Variants in ULK4 observed in about 807,000 individuals in gnomAD.
The protein encoded by ULK4 is unc-51 like kinase 4.
Under a neutral mutation model 160.6 loss-of-function variants are expected in ULK4, and 133 were observed. The observed-to-expected ratio is 0.83, with a 90% CI of 0.72 to 0.96. The LOEUF is 0.96. Ranked by LOEUF, ULK4 falls within the 40% of genes least tolerant of loss-of-function variation. The pLI is 0.00. For synonymous variants in ULK4, 534 were observed against 539.8 expected, an observed-to-expected ratio of 0.99 and a Z score of 0.15; for missense variants, 1,580 against 1,499.5, an observed-to-expected ratio of 1.05 and a Z score of -0.89.
At chr3:41,450,327 C>T (rs915392589) in intron 34 of ULK4, among the ~76,000 whole-genome samples, 4 of 152,050 alleles carry the variant, frequency 2.6e-5, no homozygotes, top group South Asian at 2.1e-4. Context: ...TTGAGAACTG[C>T]GTGAACTCTG....
intron 35 of ULK4, among the ~76,000 whole-genome samples, chr3:41,345,417 A>G (rs1389749204): frequency 6.6e-6 from 1 of 152,268 alleles, no homozygotes; most frequent in Non-Finnish European, 1.5e-5. Context: ...AATGTGGTAC[A>G]TATACACAAT....
chr3:41,567,335 GA>G (rs2087815842), intron 31 of ULK4, among the ~76,000 whole-genome samples: 1 of 150,142 alleles, frequency 6.7e-6, no homozygotes, highest in Non-Finnish European at 1.5e-5. Context: ...TGGCAAAAAA[GA>G]AAAAAGCAGA....
chr3:41,531,076 A>T (rs1330519604), intron 32 of ULK4, among the ~76,000 whole-genome samples: 1 of 150,572 alleles, frequency 6.6e-6, no homozygotes, highest in East Asian at 2.0e-4. Context: ...ATGAATGTTA[A>T]TATCAAGGAA....
At chr3:41,332,625 T>C (rs2080469522) in intron 35 of ULK4, among the ~76,000 whole-genome samples, 1 of 152,218 alleles carries the variant, frequency 6.6e-6, no homozygotes, top group South Asian at 2.1e-4. Context: ...TTAACCAAAA[T>C]TTAAAGAATC....
At chr3:41,830,156 G>A (rs2041526090) in intron 18 of ULK4, among the ~76,000 whole-genome samples, 1 of 152,224 alleles carries the variant, frequency 6.6e-6, no homozygotes, top group Admixed American at 6.5e-5. Context: ...TGGGGTAGGG[G>A]GAGTGGGGAG....
chr3:41,739,281 G>A (rs1015257750), intron 22 of ULK4, among the ~76,000 whole-genome samples: 1 of 151,744 alleles, frequency 6.6e-6, no homozygotes, highest in African/African-American at 2.4e-5. Context: ...TCCTCTGTGT[G>A]GCCTTCTCTC....
At chr3:41,693,137 A>G (rs911123832) in intron 27 of ULK4, among the ~76,000 whole-genome samples, 4 of 152,224 alleles carry the variant, frequency 2.6e-5, no homozygotes, top group Non-Finnish European at 1.5e-5. Flanking sequence ...CAGCTATAAA[A>G]ATGTTAAGGA....
At chr3:41,819,531 G>T (rs2041076950) in intron 18 of ULK4, 25 bp from the exon 19 acceptor site, 23 of 1,598,920 alleles carry the variant, frequency 1.4e-5, no homozygotes, top group Non-Finnish European at 1.9e-5. Context: ...GAAAAAAAAA[G>T]GCAGTGAAGC....
intron 20 of ULK4, among the ~76,000 whole-genome samples, chr3:41,799,842 G>A (rs935181337): frequency 2.0e-5 from 3 of 152,094 alleles, no homozygotes; most frequent in Non-Finnish European, 4.4e-5. Context: ...CAGCCTGGAT[G>A]ACAGAGGGAC....
chr3:41,907,837 C>T lies in ULK4; in HGVS notation c.1182+8G>A. On this transcript the variant is annotated splice_region_variant and intron_variant, in intron 12 of 36. Transcript: ENST00000301831. ...TATGTAGGAAGAAAATTTCCCAAGTCTGCTCACCTTGGTCAGAGGAGAAGT... is the reference window on the plus strand; with the variant it reads ...TATGTAGGAAGAAAATTTCCCAAGTTTGCTCACCTTGGTCAGAGGAGAAGT... 1 of 1,547,408 alleles carries T rather than the reference C, an allele frequency of 6.5e-7. No individual in the cohort carries two copies. The highest frequency in any genetic ancestry group is 1.4e-5 in the African/African-American group (1 of 71,554).
chr3:41,510,288 C>T (rs1040436506), intron 32 of ULK4, among the ~76,000 whole-genome samples: 5 of 152,066 alleles, frequency 3.3e-5, no homozygotes, highest in African/African-American at 1.2e-4. Context: ...TATCACAATC[C>T]TAAATATGTA....
chr3:41,260,095 C>A (rs1444758274), intron 35 of ULK4: 3 of 152,154 alleles, frequency 2.0e-5, no homozygotes, highest in Non-Finnish European at 4.4e-5. Flanking sequence ...CCTATCCATC[C>A]AGCCCCTTCA....
chr3:41,834,812 G>C (rs1358084393), intron 18 of ULK4, among the ~76,000 whole-genome samples: 1 of 152,222 alleles, frequency 6.6e-6, no homozygotes, highest in Non-Finnish European at 1.5e-5. Context: ...GGGAGGCCAA[G>C]GTGGGCGAAT....
intron 31 of ULK4, among the ~76,000 whole-genome samples, chr3:41,575,179 G>A (rs1351894173): frequency 6.6e-6 from 1 of 152,190 alleles, no homozygotes; most frequent in Non-Finnish European, 1.5e-5. Flanking sequence ...TAAACTGAAA[G>A]GGCACAGGCT....
chr3:41,859,618 T>A, intron 17 of ULK4: 2 of 493,974 alleles, frequency 4.0e-6, no homozygotes, highest in Non-Finnish European at 8.0e-6. Context: ...GCTGCCAGCC[T>A]CTGCCCCACC....
chr3:41,637,252 T>A (rs2033995711), intron 30 of ULK4, among the ~76,000 whole-genome samples: 1 of 152,168 alleles, frequency 6.6e-6, no homozygotes, highest in Non-Finnish European at 1.5e-5. Flanking sequence ...TACTTCTGAG[T>A]CAAAATTTTT....
chr3:41,483,618 T>C (rs927319125), intron 32 of ULK4, among the ~76,000 whole-genome samples: 3 of 152,180 alleles, frequency 2.0e-5, no homozygotes, highest in Admixed American at 2.0e-4. Flanking sequence ...CTCATTTAAA[T>C]GATGTTTTGA....
At chr3:41,889,029 A>G (rs185596860) in intron 16 of ULK4, among the ~76,000 whole-genome samples, 105 of 152,296 alleles carry the variant, frequency 6.9e-4, no homozygotes, top group African/African-American at 2.3e-3. Flanking sequence ...TTCATAATAT[A>G]AACTAAGAAC....
rs147510754 is a variant in ULK4, at chr3:41,930,913, T to C, written c.541+931A>G. Among the ~76,000 whole-genome samples the C allele has an allele frequency of 4.5e-4, 69 of 152,082 alleles. 1 individual carries two copies. In the East Asian group the frequency reaches 0.011, roughly 25 times the overall value. On this transcript the variant is annotated intron_variant, in intron 5 of 36. Transcript: ENST00000301831. ...GTGGGAATGTAGATTGGTTCAACCA[T>C]TGCGGAGGACAATTCCTCAGGGATC...
Sources: gnomAD v4.1 joint callset for allele counts (sites outside exome capture counted in the v4.1 genomes callset) on GRCh38, gnomAD v4.1.1 for gene constraint, MANE v1.5 for transcripts, NCBI Gene and HGNC (gene_info 2026-07-23, HGNC 2026-07-21) for gene names.